The following PCSK5 variants were observed in gnomAD, a reference collection of about 807,000 sequenced individuals.
PCSK5 encodes the protein proprotein convertase subtilisin/kexin type 5.
PCSK5 carries 129 observed loss-of-function variants against 233.2 expected under a neutral mutation model. The observed-to-expected ratio is 0.55, with a 90% CI of 0.48 to 0.64. The LOEUF is 0.64. Ranked by LOEUF, PCSK5 falls within the 30% of genes least tolerant of loss-of-function variation. The pLI is 0.00. For missense variants in PCSK5, 2,076 were observed against 2,430.1 expected (o/e 0.85, Z 3.06); for synonymous variants, 825 against 879.2 (o/e 0.94, Z 1.09).
intron 34 of PCSK5, 109 bp from the exon 35 acceptor site, chr9:76,338,121 G>C: frequency 1.4e-6 from 1 of 718,680 alleles, no homozygotes; most frequent in South Asian, 1.7e-5. Flanking sequence ...AAGGTAAAGA[G>C]GCTAAAGTCA....
At chr9:76,082,722 T>C (rs1564015208) in intron 7 of PCSK5, among the ~76,000 whole-genome samples, 1 of 151,868 alleles carries the variant, frequency 6.6e-6, no homozygotes, top group South Asian at 2.1e-4. Flanking sequence ...TTTGCCCCAA[T>C]TGGATTTTAA....
intron 24 of PCSK5, among the ~76,000 whole-genome samples, chr9:76,290,346 C>T (rs1046735075): frequency 6.6e-6 from 1 of 152,148 alleles, no homozygotes; most frequent in Non-Finnish European, 1.5e-5. Flanking sequence ...CCCATGGTCA[C>T]CTCTAGCTTC....
intron 5 of PCSK5, among the ~76,000 whole-genome samples, chr9:76,037,293 A>G (rs2792222): frequency 0.91 from 139,166 of 152,222 alleles, 63,718 homozygotes; most frequent in East Asian, 0.99. Context: ...AGAATGTCTC[A>G]GAGAAGCTGG....
At chr9:76,339,006 T>C (rs1829757866) in intron 35 of PCSK5, among the ~76,000 whole-genome samples, 1 of 151,788 alleles carries the variant, frequency 6.6e-6, no homozygotes, top group Admixed American at 6.6e-5. Context: ...AGTTATCTAA[T>C]GAGATCTTTT....
intron 3 of PCSK5, among the ~76,000 whole-genome samples, chr9:76,018,135 A>T (rs1043180986): frequency 6.6e-6 from 1 of 151,554 alleles, no homozygotes; most frequent in Non-Finnish European, 1.5e-5. Context: ...ACTTAATCAG[A>T]AATGGAGCAG....
intron 34 of PCSK5, among the ~76,000 whole-genome samples, chr9:76,337,060 TTATATC>T (rs1486654643): frequency 6.6e-6 from 1 of 151,138 alleles, no homozygotes; most frequent in Non-Finnish European, 1.5e-5. Flanking sequence ...TCAAACAAGG[TTATATC>T]TATTATGTAA....
chr9:76,022,396 A>C (rs1587510315), intron 3 of PCSK5, among the ~76,000 whole-genome samples: 1 of 152,216 alleles, frequency 6.6e-6, no homozygotes, highest in South Asian at 2.1e-4. Context: ...CATTGTATTT[A>C]GGGCATATTA....
intron 2 of PCSK5, among the ~76,000 whole-genome samples, chr9:75,976,756 TA>T (rs1446411452): frequency 6.6e-6 from 1 of 151,650 alleles, no homozygotes; most frequent in Non-Finnish European, 1.5e-5. Context: ...ATATTTTTAT[TA>T]AATATTAATA....
intron 5 of PCSK5, among the ~76,000 whole-genome samples, chr9:76,064,135 C>G (rs867136150): frequency 1.8e-5 from 2 of 108,980 alleles, no homozygotes; most frequent in African/African-American, 4.3e-5. Context: ...GGGCGGAGGG[C>G]TGACCCCCCC....
chr9:75,909,556 G>A (rs769939136), intron 1 of PCSK5, among the ~76,000 whole-genome samples: 2 of 151,962 alleles, frequency 1.3e-5, no homozygotes, highest in African/African-American at 2.4e-5. Context: ...TTATCCAGGT[G>A]TGGTGGTGGG....
intron 23 of PCSK5, among the ~76,000 whole-genome samples, chr9:76,240,286 C>G (rs1447172242): frequency 2.0e-5 from 3 of 152,116 alleles, no homozygotes; most frequent in Non-Finnish European, 2.9e-5. Flanking sequence ...GAAAAAGAAC[C>G]TGTTCATTTA....
intron 2 of PCSK5, among the ~76,000 whole-genome samples, chr9:75,947,016 C>G (rs902850579): frequency 9.8e-5 from 15 of 152,300 alleles, no homozygotes; most frequent in African/African-American, 3.4e-4. Flanking sequence ...CAGATGTTAT[C>G]TATTCAGCTA....
chr9:76,063,319 CTTTTTTTTTTTTTT>C (rs1157596601), intron 5 of PCSK5, among the ~76,000 whole-genome samples: 3 of 59,674 alleles, frequency 5.0e-5, no homozygotes, highest in South Asian at 8.5e-4. Context: ...TTTCTTTTTT[CTTTTTTTTTTTTTT>C]TTTTTTTTTT....
chr9:76,274,010 T>C (rs1827614805), intron 24 of PCSK5, among the ~76,000 whole-genome samples: 1 of 151,844 alleles, frequency 6.6e-6, no homozygotes, highest in Non-Finnish European at 1.5e-5. Context: ...GATTTTATTG[T>C]TATCAAATAT....
chr9:76,324,677 C>G (rs1829307648), intron 32 of PCSK5, among the ~76,000 whole-genome samples: 1 of 152,160 alleles, frequency 6.6e-6, no homozygotes, highest in African/African-American at 2.4e-5. Context: ...TATGTTTTAA[C>G]TCGGCATGAA....
intron 1 of PCSK5, among the ~76,000 whole-genome samples, chr9:75,920,540 C>T (rs1823209709): frequency 6.6e-6 from 1 of 152,072 alleles, no homozygotes; most frequent in Admixed American, 6.6e-5. Flanking sequence ...TGGTATGGGT[C>T]ATGCTTGTAG....
At position 76,016,121 on chromosome 9, in the gene PCSK5, A is replaced by G. The variant is rs1035849461; in HGVS notation, c.412-7617A>G. The stretch of plus-strand genomic sequence containing the variant: ...CTACACTTCCCCCTGACTGGGTTCC[A>G]TGTTCCCACAGTATCCTGACAAACT... On this transcript the variant is annotated intron_variant, in intron 3 of 37. Coordinates refer to ENST00000674117, the MANE Select transcript of PCSK5 (RefSeq NM_001372043.1). Among the ~76,000 whole-genome samples, 96 of 152,204 alleles carry G rather than the reference A, an allele frequency of 6.3e-4. 2 individuals carry two copies. The highest frequency in any genetic ancestry group is 1.6e-3 in the Admixed American group (24 of 15,284).
At chr9:76,063,898 A>T (rs1830134503) in intron 5 of PCSK5, among the ~76,000 whole-genome samples, 1 of 64,186 alleles carries the variant, frequency 1.6e-5, no homozygotes, top group African/African-American at 1.2e-4. Flanking sequence ...ACTTCCCAGT[A>T]GGGGCAGCTG....
rs34379742 is a variant in PCSK5, at chr9:76,001,468, CTTTTTTT to C, written c.411+15238_411+15244del. On this transcript the variant is annotated intron_variant, in intron 3 of 37. Transcript: ENST00000674117. ...TTTCAAGTCTGCTCTACCATCATAG[CTTTTTTT>C]TTTTTTTTTTTTTTGCCAACATAGT... 2.0e-4 allele frequency among the ~76,000 whole-genome samples: 17 copies of C among 87,150 alleles called. 1 individual carries two copies. Among genetic ancestry groups the C allele is most frequent in the African/African-American group, 6.0e-4 (13 of 21,578 alleles). The allele number at this position is 87,150 out of a possible 152,430, so 57.2% of individuals were successfully genotyped here. A position where few individuals can be genotyped will look rare whatever the true frequency, so the allele number is the denominator to read the frequency against.
Sources: gnomAD v4.1 joint callset for allele counts (sites outside exome capture counted in the v4.1 genomes callset) on GRCh38, gnomAD v4.1.1 for gene constraint, MANE v1.5 for transcripts, NCBI Gene and HGNC (gene_info 2026-07-23, HGNC 2026-07-21) for gene names.